The following KCND3 variants were observed in gnomAD, a reference collection of about 807,000 sequenced individuals.
KCND3 encodes potassium voltage-gated channel subfamily D member 3, also known as A-type voltage-gated potassium channel KCND3.
In KCND3, 9 loss-of-function variants were observed where a neutral mutation model predicts 51.1. The observed-to-expected ratio is 0.18, with a 90% CI of 0.11 to 0.31. The LOEUF is 0.31. Among genes scored for constraint, KCND3 ranks in the 10% least tolerant of loss-of-function variants. The pLI is 1.00. For synonymous variants in KCND3, 349 were observed against 368.0 expected (o/e 0.95, Z 0.59); for missense variants, 526 against 903.8 (o/e 0.58, Z 5.36).
intron 2 of KCND3, among the ~76,000 whole-genome samples, chr1:111,945,389 C>T (rs1233889615): frequency 6.6e-6 from 1 of 152,196 alleles, no homozygotes; most frequent in East Asian, 1.9e-4. Context: ...CCCATGGGCC[C>T]TTCTATGGCT....
intron 2 of KCND3, among the ~76,000 whole-genome samples, chr1:111,943,126 G>A (rs1475722485): frequency 6.6e-6 from 1 of 152,112 alleles, no homozygotes; most frequent in African/African-American, 2.4e-5. Context: ...AGTGTGGGGA[G>A]GCTGCATCTC....
At chr1:111,872,258 C>G (rs1001206964) in intron 2 of KCND3, among the ~76,000 whole-genome samples, 1 of 152,188 alleles carries the variant, frequency 6.6e-6, no homozygotes, top group African/African-American at 2.4e-5. Context: ...GTGTGCTCCA[C>G]AGACCCTTAG....
chr1:111,888,858 C>G (rs1204458172), intron 2 of KCND3, among the ~76,000 whole-genome samples: 1 of 151,708 alleles, frequency 6.6e-6, no homozygotes, highest in Non-Finnish European at 1.5e-5. Context: ...AAGAAAGAAC[C>G]CTGGGCTTTG....
intron 2 of KCND3, among the ~76,000 whole-genome samples, chr1:111,837,653 T>C (rs868049691): frequency 6.6e-6 from 1 of 152,158 alleles, no homozygotes; most frequent in South Asian, 2.1e-4. Flanking sequence ...GGGCCGTCGA[T>C]GAAGCATAGG....
intron 2 of KCND3, among the ~76,000 whole-genome samples, chr1:111,849,186 C>T (rs1667697966): frequency 6.6e-6 from 1 of 152,230 alleles, no homozygotes; most frequent in Non-Finnish European, 1.5e-5. Flanking sequence ...ACACAGCAAA[C>T]TACCCAAAGT....
At chr1:111,958,044 T>A (rs1220779074) in intron 2 of KCND3, among the ~76,000 whole-genome samples, 2 of 152,134 alleles carry the variant, frequency 1.3e-5, no homozygotes, top group African/African-American at 4.8e-5. Flanking sequence ...GTAGCAGGAA[T>A]CACTAGTACT....
At chr1:111,858,070 G>A (rs760935943) in intron 2 of KCND3, among the ~76,000 whole-genome samples, 4 of 152,084 alleles carry the variant, frequency 2.6e-5, no homozygotes, top group South Asian at 4.2e-4. Context: ...GTCGGCTGCC[G>A]GTTCTACATC....
At chr1:111,902,586 T>C (rs1670437756) in intron 2 of KCND3, among the ~76,000 whole-genome samples, 1 of 152,226 alleles carries the variant, frequency 6.6e-6, no homozygotes. Flanking sequence ...ATGTGCCCAC[T>C]GCTCGTTAGT....
chr1:111,844,583 T>C (rs954783151), intron 2 of KCND3, among the ~76,000 whole-genome samples: 2 of 152,144 alleles, frequency 1.3e-5, no homozygotes, highest in African/African-American at 4.8e-5. Flanking sequence ...AACACTTTCT[T>C]CATTCTCCAC....
chr1:111,896,479 G>A (rs951272592), intron 2 of KCND3, among the ~76,000 whole-genome samples: 1 of 152,190 alleles, frequency 6.6e-6, no homozygotes, highest in African/African-American at 2.4e-5. Flanking sequence ...GAGAGAGGAG[G>A]CAAGTGGACA....
chr1:111,978,820 G>A (rs564981813), intron 2 of KCND3, among the ~76,000 whole-genome samples: 1 of 152,256 alleles, frequency 6.6e-6, no homozygotes, highest in African/African-American at 2.4e-5. Flanking sequence ...AAATGGAAGA[G>A]GCACTCCATT....
chr1:111,802,315 C>T (rs1301555074), intron 2 of KCND3, among the ~76,000 whole-genome samples: 1 of 152,210 alleles, frequency 6.6e-6, no homozygotes, highest in Non-Finnish European at 1.5e-5. Context: ...GAAAGCACCG[C>T]CTGCTCCTCA....
At chr1:111,844,507 G>T (rs904718474) in intron 2 of KCND3, among the ~76,000 whole-genome samples, 3 of 152,004 alleles carry the variant, frequency 2.0e-5, no homozygotes, top group South Asian at 2.1e-4. Context: ...ATCCCAGCTG[G>T]CCCCAGGATC....
chr1:111,799,484 G>A (rs887385120), intron 2 of KCND3, among the ~76,000 whole-genome samples: 2 of 152,118 alleles, frequency 1.3e-5, no homozygotes, highest in Non-Finnish European at 2.9e-5. Context: ...AAACCAACTG[G>A]TTATTCTTAT....
intron 2 of KCND3, among the ~76,000 whole-genome samples, chr1:111,862,493 T>C (rs990737296): frequency 6.6e-6 from 1 of 152,234 alleles, no homozygotes; most frequent in Non-Finnish European, 1.5e-5. Flanking sequence ...AATTCTAATA[T>C]GGTGAGTCTG....
At chr1:111,886,617 GATA>G (rs1183562095) in intron 2 of KCND3, among the ~76,000 whole-genome samples, 25 of 152,188 alleles carry the variant, frequency 1.6e-4, no homozygotes, top group African/African-American at 5.8e-4. Flanking sequence ...TGCTTTGTGA[GATA>G]ATAATAAAAT....
chr1:111,841,405 C>T (rs906233567), intron 2 of KCND3, among the ~76,000 whole-genome samples: 1 of 151,240 alleles, frequency 6.6e-6, no homozygotes, highest in African/African-American at 2.4e-5. Flanking sequence ...TTTGACCACT[C>T]TCTCTTTCTC....
At chr1:111,884,924 T>G (rs1669501349) in intron 2 of KCND3, among the ~76,000 whole-genome samples, 1 of 152,088 alleles carries the variant, frequency 6.6e-6, no homozygotes, top group South Asian at 2.1e-4. Context: ...ATGGGGGCGG[T>G]CCTGTGCATT....
intron 2 of KCND3, among the ~76,000 whole-genome samples, chr1:111,806,625 T>C (rs1665584278): frequency 6.6e-6 from 1 of 152,246 alleles, no homozygotes; most frequent in African/African-American, 2.4e-5. Flanking sequence ...ACCCTTCTGC[T>C]GAGGATAATT....
Sources: allele counts gnomAD v4.1 joint callset (sites outside exome capture counted in the v4.1 genomes callset), GRCh38; gene constraint gnomAD v4.1.1; transcripts MANE v1.5; gene names NCBI Gene and HGNC (gene_info 2026-07-23, HGNC 2026-07-21).